Variants in HMCN2 observed in about 807,000 individuals in gnomAD.
HMCN2 encodes hemicentin-2.
In HMCN2, 325 loss-of-function variants were observed where a neutral mutation model predicts 377.5. That is an observed-to-expected ratio of 0.86 (90% CI 0.79 to 0.94). HMCN2 has a LOEUF of 0.94. HMCN2 is among the 40% of genes least tolerant of loss of function. The probability of loss-of-function intolerance (pLI) is 0.00; values close to 1 mark genes in which losing one functional copy is unlikely to be tolerated. For missense variants in HMCN2, 4,543 were observed against 4,725.3 expected (o/e 0.96, Z 1.13); for synonymous variants, 2,007 against 2,046.8 (o/e 0.98, Z 0.53).
chr9:130,412,980 G>A (rs548727772), intron 85 of HMCN2, among the ~76,000 whole-genome samples: 6 of 152,112 alleles, frequency 3.9e-5, no homozygotes, highest in South Asian at 4.2e-4. Flanking sequence ...TTTTGCATAC[G>A]GATAGCCAAT....
At chr9:130,313,774 CTTTTTTTTTT>C (rs1215426849) in intron 15 of HMCN2, among the ~76,000 whole-genome samples, 6 of 81,558 alleles carry the variant, frequency 7.4e-5, no homozygotes, top group Admixed American at 3.1e-4. Flanking sequence ...TGTGTGTCCT[CTTTTTTTTTT>C]TTTTTTTTTT....
chr9:130,356,553 G>A (rs1008467308), intron 34 of HMCN2, among the ~76,000 whole-genome samples: 10 of 152,134 alleles, frequency 6.6e-5, no homozygotes, highest in Non-Finnish European at 1.5e-4. Context: ...TCTTTCTCTT[G>A]TCTTCGTCTA....
intron 77 of HMCN2, 124 bp downstream of exon 77, chr9:130,401,071 T>G: frequency 1.2e-6 from 1 of 856,286 alleles, no homozygotes; most frequent in Non-Finnish European, 1.6e-6. Flanking sequence ...CTCTCCTGGC[T>G]GTGTGACCTG....
intron 22 of HMCN2, among the ~76,000 whole-genome samples, chr9:130,332,631 C>G (rs1838488024): frequency 6.6e-6 from 1 of 152,218 alleles, no homozygotes. Flanking sequence ...TACCTGAGGC[C>G]CCTTGGCGTG....
At chr9:130,352,091 C>T (rs764164375) in intron 30 of HMCN2, among the ~76,000 whole-genome samples, 3 of 152,164 alleles carry the variant, frequency 2.0e-5, no homozygotes, top group Non-Finnish European at 2.9e-5. Context: ...GGATTACAGG[C>T]GTGAGTCACT....
chr9:130,333,429 C>T (rs1838531862), intron 22 of HMCN2, among the ~76,000 whole-genome samples: 1 of 152,152 alleles, frequency 6.6e-6, no homozygotes, highest in Non-Finnish European at 1.5e-5. Flanking sequence ...AGCCCTCTGC[C>T]CCCTGGGCCC....
intron 82 of HMCN2, chr9:130,406,574 T>C (rs1276244704): frequency 4.8e-6 from 1 of 208,030 alleles, no homozygotes; most frequent in Non-Finnish European, 9.9e-6. Flanking sequence ...ACCTGCTGGG[T>C]ACTCAATGTT....
In HMCN2 at chr9:130,360,492, T is replaced by C. The variant is rs1254290342; in HGVS notation, c.5838T>C (p.Asp1946=). 2.3e-6 allele frequency: 3 copies of C among 1,304,020 alleles called. No homozygotes were observed. Among genetic ancestry groups the C allele is most frequent in the Non-Finnish European group, 2.0e-6 (2 of 988,934 alleles). 80.8% of individuals were successfully genotyped at this position (1,304,020 alleles called of 1,614,324 possible). Residue 1946 remains aspartate (D), a synonymous_variant, in exon 38 of 98, where the codon GAT becomes GAC. Transcript: ENST00000683500. The surrounding 1 kb of genome is among the most constrained non-coding windows in gnomAD (Gnocchi z 4.7). ...SSWMGVTVSV[D]GRVLRIEQAQ... is the part of the protein sequence containing the mutation. ...GGATGGGAGTGACAGTATCAGTGGA[T>C]GGGAGAGTTCTCCGCATTGAGCAAG...
At chr9:130,320,193 T>C (rs1837771214) in intron 16 of HMCN2, among the ~76,000 whole-genome samples, 163 bp from the exon 17 acceptor site, 1 of 152,144 alleles carries the variant, frequency 6.6e-6, no homozygotes. Flanking sequence ...TCCAGCGGTG[T>C]CCCTCACCCC....
At chr9:130,383,030 A>G (rs548673041) in intron 56 of HMCN2, among the ~76,000 whole-genome samples, 164 bp downstream of exon 56, 1 of 152,338 alleles carries the variant, frequency 6.6e-6, no homozygotes, top group African/African-American at 2.4e-5. Context: ...CTGGGCCAGC[A>G]CAGGCCTGTG....
At position 130,375,755 on chromosome 9, in the gene HMCN2, A is replaced by G; in HGVS notation, c.7804+19A>G. The stretch of plus-strand genomic sequence containing the variant: ...CTCCCAGGTGACGCCCTCTGGGGGG[A>G]AAGGAGGGAGGGAACAGGTGACATG... On this transcript the variant is annotated intron_variant, in intron 50 of 97. Transcript: ENST00000683500. 1 of 985,246 alleles carries G rather than the reference A, an allele frequency of 1.0e-6. No individual in the cohort carries two copies. The highest frequency in any genetic ancestry group is 1.2e-6 in the Non-Finnish European group (1 of 829,692). The allele number at this position is 985,246 out of a possible 1,614,324, so 61.0% of individuals were successfully genotyped here. A position where few individuals can be genotyped will look rare whatever the true frequency, so the allele number is the denominator to read the frequency against.
In HMCN2 at chr9:130,359,324, C is replaced by A. The variant is rs1270300144; in HGVS notation, c.5683C>A (p.Pro1895Thr). ...CTCTCCTTGTCTCCCCCTAGTGCCC[C>A]CCAACATCGAGCCAGGCCCAGTCAA... is the stretch of plus-strand genomic sequence containing the variant. ...REVALKVLVP[P>T]NIEPGPVNKA... The change falls in exon 37 of 98, where the codon CCC becomes ACC. Residue 1895 changes from proline to threonine, a missense_variant. Pro to Thr is a conservative substitution (Grantham distance 38). Coordinates refer to ENST00000683500, the MANE Select transcript of HMCN2 (RefSeq NM_001291815.2). 3.1e-6 allele frequency: 4 copies of A among 1,303,008 alleles called. No homozygotes were observed. In the South Asian group the frequency reaches 4.9e-5, roughly 16 times the overall value. 80.7% of individuals were successfully genotyped at this position (1,303,008 alleles called of 1,614,324 possible). A position where few individuals can be genotyped will look rare whatever the true frequency, so the allele number is the denominator to read the frequency against.
chr9:130,365,791 G>T, intron 42 of HMCN2, 64 bp downstream of exon 42: 2 of 977,506 alleles, frequency 2.0e-6, no homozygotes, highest in Non-Finnish European at 2.4e-6. Flanking sequence ...CCAGGACACA[G>T]CCCTCCTCCA....
intron 7 of HMCN2, among the ~76,000 whole-genome samples, chr9:130,297,778 G>T (rs144518885): frequency 6.6e-6 from 1 of 152,168 alleles, no homozygotes; most frequent in Non-Finnish European, 1.5e-5. Context: ...TTGTTTTGCC[G>T]ATAGCAGAAA....
Position 130,422,753 on chromosome 9 carries a change from C to CCT in HMCN2, c.13381+30_13381+31dup. On this transcript the variant is annotated intron_variant, in intron 87 of 97. Coordinates refer to ENST00000683500, the MANE Select transcript of HMCN2 (RefSeq NM_001291815.2). This position sits in a 1 kb window ranked among gnomAD's most constrained non-coding sequence, Gnocchi z 4.2. ...TGAGTGGAAGGCAGAGCATCACCTG[C>CCT]CTCTGGGTTATTGTCACAGCCCAGC... The CCT allele has an allele frequency of 7.9e-7, 1 of 1,265,320 alleles. No homozygotes were observed. Among genetic ancestry groups the CCT allele is most frequent in the Non-Finnish European group, 1.0e-6 (1 of 997,656 alleles). The allele number at this position is 1,265,320 out of a possible 1,614,324, so 78.4% of individuals were successfully genotyped here.
At chr9:130,328,124 C>A (rs991181064) in intron 22 of HMCN2, among the ~76,000 whole-genome samples, 1 of 152,208 alleles carries the variant, frequency 6.6e-6, no homozygotes, top group African/African-American at 2.4e-5. Context: ...CTCGGAGCAG[C>A]CTGCCCTGTA....
intron 15 of HMCN2, among the ~76,000 whole-genome samples, chr9:130,313,605 C>CCCG (rs1413219023): frequency 1.3e-5 from 2 of 151,682 alleles, no homozygotes; most frequent in South Asian, 4.2e-4. Flanking sequence ...TGGGCACCCC[C>CCCG]CCCCATAAAC....
At chr9:130,387,217 G>A (rs972717909) in intron 61 of HMCN2, among the ~76,000 whole-genome samples, 2 of 152,222 alleles carry the variant, frequency 1.3e-5, no homozygotes, top group African/African-American at 2.4e-5. Flanking sequence ...AGGAAACTTG[G>A]CCAGATTTTC....
intron 43 of HMCN2, among the ~76,000 whole-genome samples, chr9:130,367,842 T>C (rs1208356989): frequency 6.7e-6 from 1 of 149,188 alleles, no homozygotes; most frequent in Non-Finnish European, 1.5e-5. Context: ...CTCGGGATGC[T>C]GAGGCATGAG....
Sources: allele counts gnomAD v4.1 joint callset (sites outside exome capture counted in the v4.1 genomes callset), GRCh38; gene constraint gnomAD v4.1.1; non-coding constraint Gnocchi (gnomAD v3.1); transcripts MANE v1.5; gene names NCBI Gene and HGNC (gene_info 2026-07-23, HGNC 2026-07-21).